The following ECPAS variants were observed in gnomAD, a reference collection of about 807,000 sequenced individuals.
ECPAS encodes Ecm29 proteasome adaptor and scaffold.
A neutral mutation model predicts 255.1 loss-of-function variants in ECPAS; 70 were observed. The observed-to-expected ratio is 0.27, with a 90% CI of 0.23 to 0.33. The LOEUF is 0.33. Ranked by LOEUF, ECPAS falls within the 10% of genes least tolerant of loss-of-function variation. The pLI, the probability that ECPAS is intolerant of heterozygous loss-of-function variation, is 1.00. For synonymous variants in ECPAS, 784 were observed against 775.0 expected (o/e 1.01, Z -0.19); for missense variants, 1,817 against 2,206.4 (o/e 0.82, Z 3.54).
chr9:111,471,822 G>A (rs1368801326), intron 2 of ECPAS, among the ~76,000 whole-genome samples: 1 of 152,138 alleles, frequency 6.6e-6, no homozygotes, highest in Non-Finnish European at 1.5e-5. Context: ...AGAACAACTG[G>A]CTGGGCATGG....
At chr9:111,375,018 G>A (rs2098131766) in intron 38 of ECPAS, 95 bp downstream of exon 38, 3 of 875,516 alleles carry the variant, frequency 3.4e-6, no homozygotes, top group East Asian at 5.1e-5. Context: ...ATTAGATTTT[G>A]TGGTAAAACA....
chr9:111,427,777 G>T (rs1479802072), intron 10 of ECPAS, among the ~76,000 whole-genome samples: 3 of 152,108 alleles, frequency 2.0e-5, no homozygotes, highest in African/African-American at 7.2e-5. Flanking sequence ...TTTTGCACTT[G>T]GAGCATCATG....
chr9:111,479,762 C>T (rs577471537), intron 1 of ECPAS, among the ~76,000 whole-genome samples: 6 of 151,686 alleles, frequency 4.0e-5, no homozygotes, highest in East Asian at 3.9e-4. Flanking sequence ...GGGGGGATCA[C>T]GAGGTCAGGA....
intron 18 of ECPAS, among the ~76,000 whole-genome samples, chr9:111,415,733 A>C (rs1430704691): frequency 6.6e-6 from 1 of 151,960 alleles, no homozygotes; most frequent in Non-Finnish European, 1.5e-5. Context: ...AAACAAAAAA[A>C]ACAACCCTTA....
intron 2 of ECPAS, among the ~76,000 whole-genome samples, chr9:111,454,709 C>CT (rs879767612): frequency 0.023 from 3,315 of 143,442 alleles, 113 homozygotes; most frequent in African/African-American, 0.075. Flanking sequence ...TTTTCTTTTC[C>CT]TTTTTTTTTT....
At chr9:111,424,472 T>TA (rs1464153472) in intron 12 of ECPAS, among the ~76,000 whole-genome samples, 1 of 152,218 alleles carries the variant, frequency 6.6e-6, no homozygotes, top group Admixed American at 6.5e-5. Flanking sequence ...ATGTTTAGCT[T>TA]AGACTGGGGA....
Position 111,389,607 on chromosome 9 carries a change from A to C in ECPAS, c.3396T>G (p.Ile1132Met). The change falls in exon 31 of 50, where the codon ATT becomes ATG. Residue 1132 changes from isoleucine (I) to methionine (M), a missense_variant. Ile to Met is a conservative substitution (Grantham distance 10). This residue lies in a region of ECPAS where 960 missense variants were observed against 1,179.0 expected (regional missense o/e 0.81). Transcript: ENST00000684092. ...TCCAAATACTTGTCATGGCCTGTCG[A>C]ATGCCAAGGTTGGGATCAAACTGGT... is the stretch of plus-strand genomic sequence containing the variant. ...YRYQFDPNLGIRQAMTSIWNA... is the reference protein window; with the variant it reads ...YRYQFDPNLGMRQAMTSIWNA... The C allele has an allele frequency of 6.2e-7, 1 of 1,613,958 alleles. No individual in the cohort carries two copies. The highest frequency in any genetic ancestry group is 8.5e-7 in the Non-Finnish European group (1 of 1,179,852).
At chr9:111,436,781 T>C (rs540301630) in intron 7 of ECPAS, among the ~76,000 whole-genome samples, 159 bp downstream of exon 7, 1 of 152,254 alleles carries the variant, frequency 6.6e-6, no homozygotes, top group South Asian at 2.1e-4. Flanking sequence ...GCTTAATAAA[T>C]AACTAGCATG....
chr9:111,478,355 C>A (rs1052470580), intron 1 of ECPAS, among the ~76,000 whole-genome samples: 2 of 151,672 alleles, frequency 1.3e-5, no homozygotes, highest in Non-Finnish European at 2.9e-5. Flanking sequence ...GGTGAAACCC[C>A]GTCTCTACTA....
intron 22 of ECPAS, 145 bp from the exon 23 acceptor site, chr9:111,410,358 T>C: frequency 1.6e-6 from 1 of 616,416 alleles, no homozygotes; most frequent in Non-Finnish European, 2.8e-6. Context: ...TTGCCAACAT[T>C]TATTCAGTGG....
At chr9:111,389,101 C>A (rs1589134102) in intron 31 of ECPAS, among the ~76,000 whole-genome samples, 1 of 152,224 alleles carries the variant, frequency 6.6e-6, no homozygotes, top group Admixed American at 6.5e-5. Context: ...GAGACAAGCC[C>A]TGAGAAATCT....
chr9:111,366,153 C>A, intron 48 of ECPAS, 86 bp downstream of exon 48: 1 of 893,606 alleles, frequency 1.1e-6, no homozygotes, highest in Non-Finnish European at 1.8e-6. Flanking sequence ...AATTTAGTTC[C>A]TAAGACAAAG....
At chr9:111,443,357 T>G (rs1200035309) in intron 4 of ECPAS, among the ~76,000 whole-genome samples, 1 of 152,144 alleles carries the variant, frequency 6.6e-6, no homozygotes, top group Non-Finnish European at 1.5e-5. Flanking sequence ...TTCAAGTGAT[T>G]CCCCTGCCTC....
chr9:111,361,388 T>C lies in ECPAS; in HGVS notation c.*642A>G, dbSNP rs2098113123. On this transcript the variant is annotated 3_prime_UTR_variant, in exon 50 of 50. Coordinates refer to ENST00000684092, the MANE Select transcript of ECPAS (RefSeq NM_001364929.1). Reference sequence around the variant, plus strand: ...CCTAAACACATGACAAGACAATGTTTAGCTTCTGGCTTTCAGAAACCCAAT... The same window carrying C: ...CCTAAACACATGACAAGACAATGTTCAGCTTCTGGCTTTCAGAAACCCAAT... The C allele has an allele frequency of 6.6e-6, 1 of 152,252 alleles. No individual in the cohort carries two copies. Among genetic ancestry groups the C allele is most frequent in the Non-Finnish European group, 1.5e-5 (1 of 68,058 alleles). The allele number at this position is 152,252 out of a possible 1,614,324, so 9.4% of individuals were successfully genotyped here.
chr9:111,471,125 A>G (rs1188439806), intron 2 of ECPAS, among the ~76,000 whole-genome samples: 1 of 152,198 alleles, frequency 6.6e-6, no homozygotes, highest in Non-Finnish European at 1.5e-5. Context: ...TGTAAGCCCT[A>G]GAATGTTCTT....
intron 7 of ECPAS, among the ~76,000 whole-genome samples, chr9:111,434,282 G>C (rs530744841): frequency 6.2e-4 from 94 of 152,040 alleles, no homozygotes; most frequent in African/African-American, 2.2e-3. Flanking sequence ...GCCACAAAAA[G>C]GACACATGGA....
chr9:111,431,329 G>A (rs144875739), intron 8 of ECPAS, among the ~76,000 whole-genome samples: 1,927 of 152,190 alleles, frequency 0.013, 26 homozygotes, highest in Non-Finnish European at 0.021. Context: ...AGGCCGAGGC[G>A]GGTGGATCAC....
At chr9:111,438,806 T>C (rs149526996) in intron 6 of ECPAS, among the ~76,000 whole-genome samples, 302 of 152,180 alleles carry the variant, frequency 2.0e-3, no homozygotes, top group African/African-American at 6.6e-3. Flanking sequence ...GCCCAGAAAA[T>C]TGGGCTTCCA....
intron 2 of ECPAS, among the ~76,000 whole-genome samples, chr9:111,468,167 A>AAAACT (rs2098281784): frequency 6.6e-6 from 1 of 152,122 alleles, no homozygotes; most frequent in African/African-American, 2.4e-5. Flanking sequence ...AAAACAAAAC[A>AAAACT]AAAACAAACA....
Sources: allele counts gnomAD v4.1 joint callset (sites outside exome capture counted in the v4.1 genomes callset), GRCh38; gene constraint gnomAD v4.1.1; regional missense constraint gnomAD v4.1.1; transcripts MANE v1.5; gene names NCBI Gene and HGNC (gene_info 2026-07-23, HGNC 2026-07-21).